Variants in ARSG observed in about 807,000 individuals in gnomAD.
ARSG encodes the protein ASG.
In ARSG, 37 loss-of-function variants were observed where a neutral mutation model predicts 50.5. The ratio of observed to expected loss-of-function variants is 0.73; its 90% CI spans 0.56 to 0.96. ARSG has a LOEUF of 0.96. Ranked by LOEUF, ARSG falls within the 50% of genes least tolerant of loss-of-function variation. ARSG has a pLI of 0.00. For synonymous variants in ARSG, 225 were observed against 254.6 expected (o/e 0.88, Z 1.11); for missense variants, 629 against 675.3 (o/e 0.93, Z 0.76).
At chr17:68,427,143 G>A (rs200972573), downstream of ARSG, 126 of 1,613,760 alleles carry the variant, frequency 7.8e-5, no homozygotes, top group East Asian at 8.9e-5. Flanking sequence ...ACCTGGCACC[G>A]TGGAGGCTGA....
intron 1 of ARSG, among the ~76,000 whole-genome samples, chr17:68,285,919 C>T (rs1253261464): frequency 6.6e-6 from 1 of 152,084 alleles, no homozygotes; most frequent in Non-Finnish European, 1.5e-5. Context: ...GCCACCATGC[C>T]CAGCTAATTT....
At chr17:68,275,730 C>T (rs1480985704) in intron 1 of ARSG, among the ~76,000 whole-genome samples, 2 of 152,054 alleles carry the variant, frequency 1.3e-5, no homozygotes, top group African/African-American at 4.8e-5. Context: ...ACCTGTAAAT[C>T]CAGCACTTTG....
chr17:68,307,716 G>A lies in ARSG; in HGVS notation c.218+5G>A, dbSNP rs548229695. On this transcript the variant is annotated splice_donor_5th_base_variant and intron_variant, in intron 2 of 11. Transcript: ENST00000621439. ...GATGGCTTCGGAGGGAATGAGGTGA[G>A]TCTTGAGATGCCAGGCCAGCCTTTC... is the stretch of plus-strand genomic sequence containing the variant. The A allele has an allele frequency of 1.4e-5, 20 of 1,466,914 alleles. No homozygotes were observed. In the South Asian group the frequency reaches 2.0e-4, roughly 15 times the overall value. 90.9% of individuals were successfully genotyped at this position (1,466,914 alleles called of 1,614,324 possible).
At chr17:68,291,938 C>T (rs2076014190) in intron 1 of ARSG, among the ~76,000 whole-genome samples, 1 of 151,968 alleles carries the variant, frequency 6.6e-6, no homozygotes, top group Non-Finnish European at 1.5e-5. Flanking sequence ...TTCGCGCCCG[C>T]CCCGGGCAGA....
chr17:68,264,043 A>G (rs2075114811), intron 1 of ARSG, among the ~76,000 whole-genome samples: 1 of 151,922 alleles, frequency 6.6e-6, no homozygotes, highest in South Asian at 2.1e-4. Flanking sequence ...TTTTTAGTAG[A>G]GACAGGATTT....
At chr17:68,366,790 C>G (rs1034329151) in intron 6 of ARSG, among the ~76,000 whole-genome samples, 1 of 151,974 alleles carries the variant, frequency 6.6e-6, no homozygotes, top group Non-Finnish European at 1.5e-5. Context: ...AAAGTTCTGT[C>G]GCATTAAACA....
intron 1 of ARSG, among the ~76,000 whole-genome samples, chr17:68,281,778 G>T (rs1222206154): frequency 1.3e-5 from 2 of 152,128 alleles, no homozygotes; most frequent in African/African-American, 2.4e-5. Flanking sequence ...ATGCTGGCAA[G>T]GATGCGGAGA....
At chr17:68,299,270 A>C (rs2076325673) in intron 1 of ARSG, among the ~76,000 whole-genome samples, 1 of 151,982 alleles carries the variant, frequency 6.6e-6, no homozygotes, top group East Asian at 1.9e-4. Flanking sequence ...ACGCCCGGCT[A>C]ATTTTTATAT....
chr17:68,327,027 G>A (rs182107465), intron 2 of ARSG, among the ~76,000 whole-genome samples: 1 of 152,312 alleles, frequency 6.6e-6, no homozygotes, highest in African/African-American at 2.4e-5. Flanking sequence ...AGTTTCACGT[G>A]CTTCCGAAGT....
rs2077960487 is a variant in ARSG at position 68,335,214 on chromosome 17, GT to G, written c.219-8389del. 3.9e-5 allele frequency among the ~76,000 whole-genome samples: 6 copies of G among 152,062 alleles called. No homozygotes were observed. The South Asian group carries it at 1.0e-3, about 26-fold the overall frequency. ...AGTCTCCCTATATTGCCCAGGCTGG[GT>G]CTCGAACTCCTGGACTCAAGCAATT... On this transcript the variant is annotated intron_variant, in intron 2 of 11. Transcript: ENST00000621439.
At chr17:68,336,984 C>G (rs1280349334) in intron 2 of ARSG, among the ~76,000 whole-genome samples, 2 of 152,130 alleles carry the variant, frequency 1.3e-5, no homozygotes, top group Admixed American at 1.3e-4. Context: ...TCCTAAGGAC[C>G]TCTATGGAGG....
chr17:68,388,944 A>T (rs200420566), intron 9 of ARSG, among the ~76,000 whole-genome samples: 9,090 of 146,156 alleles, frequency 0.062, 660 homozygotes, highest in African/African-American at 0.17. Context: ...AAAAAAAAAA[A>T]AGAAAAACAG....
chr17:68,271,476 A>C lies in ARSG; in HGVS notation c.-552+12050A>C, dbSNP rs1555748701. 1 of 1,614,004 alleles carries C rather than the reference A, an allele frequency of 6.2e-7. No homozygotes were observed. The highest frequency in any genetic ancestry group is 1.1e-5 in the South Asian group (1 of 91,078). On this transcript the variant is annotated intron_variant, in intron 1 of 11. Transcript: ENST00000448504. This position sits in a 1 kb window ranked among gnomAD's most constrained non-coding sequence, Gnocchi z 5.3. ...AGTCTATTGAGGTTCGTGTTTTCTC[A>C]TTTTCAAGCATATACTGCGCTTCTT...
At chr17:68,304,732 G>C (rs996758858) in intron 1 of ARSG, among the ~76,000 whole-genome samples, 7 of 152,226 alleles carry the variant, frequency 4.6e-5, no homozygotes, top group African/African-American at 7.2e-5. Context: ...GTCTCACTAT[G>C]TTGGACAGGC....
intron 1 of ARSG, among the ~76,000 whole-genome samples, chr17:68,280,026 A>G (rs2075641709): frequency 6.6e-6 from 1 of 152,048 alleles, no homozygotes; most frequent in African/African-American, 2.4e-5. Context: ...TACTAAAACT[A>G]CAAAAATTAG....
chr17:68,428,796 G>A, the ARSG span: 6 of 1,548,542 alleles, frequency 3.9e-6, no homozygotes, highest in South Asian at 3.4e-5. Context: ...ACCAGCTCTC[G>A]AAAGGCTGTC....
intron 10 of ARSG, 96 bp downstream of exon 10, chr17:68,395,289 G>A: frequency 1.3e-6 from 2 of 1,549,960 alleles, no homozygotes; most frequent in Non-Finnish European, 1.7e-6. Flanking sequence ...TCAGAAGATG[G>A]TCAAGAACAG....
chr17:68,407,312 C>G (rs369575839), intron 11 of ARSG, among the ~76,000 whole-genome samples: 1 of 152,124 alleles, frequency 6.6e-6, no homozygotes, highest in Admixed American at 6.6e-5. Flanking sequence ...GTGATGCCTC[C>G]AGATTTGTTC....
At chr17:68,328,017 G>A (rs1555773074) in intron 2 of ARSG, among the ~76,000 whole-genome samples, 1 of 152,094 alleles carries the variant, frequency 6.6e-6, no homozygotes, top group Non-Finnish European at 1.5e-5. Context: ...TGACCAGGAG[G>A]GGGTGGTCAC....
Sources: gnomAD v4.1 joint callset for allele counts (sites outside exome capture counted in the v4.1 genomes callset) on GRCh38, gnomAD v4.1.1 for gene constraint, Gnocchi (gnomAD v3.1) non-coding constraint, MANE v1.5 for transcripts, NCBI Gene and HGNC (gene_info 2026-07-23, HGNC 2026-07-21) for gene names.